Variants in AFF3 observed in about 807,000 individuals in gnomAD.
The protein encoded by AFF3 is ALF transcription elongation factor 3.
Under a neutral mutation model 129.7 loss-of-function variants are expected in AFF3, and 32 were observed. That is an observed-to-expected ratio of 0.25 (90% confidence interval 0.19 to 0.33). AFF3 has a LOEUF of 0.33. Among genes scored for constraint, AFF3 ranks in the 10% least tolerant of loss-of-function variants. The probability of loss-of-function intolerance (pLI) is 1.00; values close to 1 mark genes in which losing one functional copy is unlikely to be tolerated. For missense variants in AFF3, 1,373 were observed against 1,592.0 expected (o/e 0.86, Z 2.34); for synonymous variants, 644 against 635.4 (o/e 1.01, Z -0.20).
chr2:99,913,050 T>G (rs1695214221), intron 7 of AFF3, among the ~76,000 whole-genome samples: 1 of 152,178 alleles, frequency 6.6e-6, no homozygotes, highest in Non-Finnish European at 1.5e-5. Flanking sequence ...TGTGTTCTGA[T>G]AACCACTGTG....
intron 4 of AFF3, among the ~76,000 whole-genome samples, chr2:100,028,787 G>A (rs748413968): frequency 6.6e-5 from 10 of 152,160 alleles, no homozygotes; most frequent in Non-Finnish European, 1.5e-4. Flanking sequence ...TGGAGATATT[G>A]CAAAGAAACC....
At chr2:100,008,286 T>C (rs530110268) in intron 5 of AFF3, among the ~76,000 whole-genome samples, 1 of 152,202 alleles carries the variant, frequency 6.6e-6, no homozygotes, top group Non-Finnish European at 1.5e-5. Context: ...CAGAGCTCCA[T>C]GCCGCCTAAG....
At chr2:100,077,857 CCAAGAGGGAAAG>C (rs1688704377) in intron 4 of AFF3, among the ~76,000 whole-genome samples, 1 of 151,850 alleles carries the variant, frequency 6.6e-6, no homozygotes, top group African/African-American at 2.4e-5. Context: ...CTAATTTTAT[CCAAGAGGGAAAG>C]AAAAAAAAGA....
At chr2:99,947,629 T>A (rs150598002) in intron 7 of AFF3, among the ~76,000 whole-genome samples, 1 of 142,002 alleles carries the variant, frequency 7.0e-6, no homozygotes, top group African/African-American at 3.0e-5. Context: ...GATAGATAGA[T>A]AGATAGATAG....
At chr2:100,037,173 A>G (rs1684988922) in intron 4 of AFF3, among the ~76,000 whole-genome samples, 1 of 152,008 alleles carries the variant, frequency 6.6e-6, no homozygotes, top group South Asian at 2.1e-4. Flanking sequence ...CCAAAATATT[A>G]GAAGAAAAAA....
intron 8 of AFF3, among the ~76,000 whole-genome samples, chr2:99,812,382 A>T (rs891562577): frequency 6.6e-6 from 1 of 152,216 alleles, no homozygotes; most frequent in Non-Finnish European, 1.5e-5. Context: ...CTGAAAAGTC[A>T]TGATCACCTG....
chr2:100,129,896 G>A (rs1692352526), intron 1 of AFF3, among the ~76,000 whole-genome samples: 1 of 152,170 alleles, frequency 6.6e-6, no homozygotes, highest in Non-Finnish European at 1.5e-5. Context: ...GGCCTGCAAT[G>A]AGTGATGATT....
intron 7 of AFF3, among the ~76,000 whole-genome samples, chr2:99,887,922 C>T (rs1206247518): frequency 6.6e-6 from 1 of 152,112 alleles, no homozygotes; most frequent in Non-Finnish European, 1.5e-5. Flanking sequence ...CAGGGCCACC[C>T]AACTCCAAAC....
At position 100,044,055 on chromosome 2, in the gene AFF3, C is replaced by T. The variant is rs994222786; in HGVS notation, c.54-35123G>A. ...TCCATCTCTAGTAATTAGAGCTCAC[C>T]GCGGCAGTTTCCTTCCCAGCCGATC... On this transcript the variant is annotated intron_variant, in intron 4 of 24. Coordinates refer to ENST00000672756, the MANE Select transcript of AFF3 (RefSeq NM_001386135.1). 2.6e-5 allele frequency among the ~76,000 whole-genome samples: 4 copies of T among 152,176 alleles called. No individual in the cohort carries two copies. The South Asian group carries it at 6.2e-4, about 24-fold the overall frequency.
chr2:100,099,233 T>C (rs960931016), intron 4 of AFF3, among the ~76,000 whole-genome samples: 2 of 151,296 alleles, frequency 1.3e-5, no homozygotes, highest in Admixed American at 6.6e-5. Context: ...AAATGTTTGC[T>C]TTACTGCAGC....
intron 11 of AFF3, among the ~76,000 whole-genome samples, chr2:99,682,176 G>A (rs948177059): frequency 3.3e-5 from 5 of 151,910 alleles, no homozygotes; most frequent in Admixed American, 2.0e-4. Context: ...CAAAGTGCTG[G>A]GATTACAGGT....
intron 11 of AFF3, among the ~76,000 whole-genome samples, chr2:99,725,200 C>G (rs1679267287): frequency 6.6e-6 from 1 of 151,912 alleles, no homozygotes; most frequent in Non-Finnish European, 1.5e-5. Context: ...GTTTCGAACT[C>G]CTGACCTCGT....
intron 7 of AFF3, among the ~76,000 whole-genome samples, chr2:99,943,038 A>G (rs945469687): frequency 1.3e-5 from 2 of 152,158 alleles, no homozygotes; most frequent in Non-Finnish European, 2.9e-5. Context: ...GCTGTCCTGA[A>G]TAAGACCCAG....
intron 2 of AFF3, chr2:100,107,573 C>CAAG (rs1691360070): frequency 1.1e-6 from 1 of 918,966 alleles, no homozygotes. Flanking sequence ...TCTTTTCTCC[C>CAAG]CACATGGATG....
intron 13 of AFF3, among the ~76,000 whole-genome samples, chr2:99,607,464 G>A (rs982341203): frequency 7.9e-5 from 12 of 152,022 alleles, no homozygotes; most frequent in South Asian, 2.1e-4. Context: ...CCTGGGAGGC[G>A]GAGGTTACAG....
At chr2:99,598,695 G>T (rs940211215) in intron 14 of AFF3, among the ~76,000 whole-genome samples, 1 of 152,184 alleles carries the variant, frequency 6.6e-6, no homozygotes, top group Non-Finnish European at 1.5e-5. Context: ...TCTGAGCAGC[G>T]GAATGTGAGG....
Position 99,637,467 on chromosome 2 carries a change from C to T in AFF3, c.1184+12159G>A, listed in dbSNP as rs372738251. On this transcript the variant is annotated intron_variant, in intron 13 of 24. Transcript: ENST00000672756. ...TCCCTGTCACATATATCATTTGTTG[C>T]GTTTGGATTGCTTTTGAGGTCAGAT... Among the ~76,000 whole-genome samples, 42 of 152,196 alleles carry T rather than the reference C, an allele frequency of 2.8e-4. 1 individual carries two copies. In the East Asian group the frequency reaches 6.6e-3, roughly 24 times the overall value.
At chr2:99,928,053 A>G (rs1353021321) in intron 7 of AFF3, among the ~76,000 whole-genome samples, 4 of 152,296 alleles carry the variant, frequency 2.6e-5, no homozygotes, top group African/African-American at 4.8e-5. Flanking sequence ...ATAAGATGTG[A>G]CTTGCTCCTC....
intron 8 of AFF3, among the ~76,000 whole-genome samples, chr2:99,803,169 G>C (rs1576028761): frequency 6.6e-6 from 1 of 152,052 alleles, no homozygotes; most frequent in African/African-American, 2.4e-5. Context: ...AGTGTTGCTG[G>C]ATTTTATCAC....
Sources: gnomAD v4.1 joint callset for allele counts (sites outside exome capture counted in the v4.1 genomes callset) on GRCh38, gnomAD v4.1.1 for gene constraint, MANE v1.5 for transcripts, NCBI Gene and HGNC (gene_info 2026-07-23, HGNC 2026-07-21) for gene names.